LAMA5: variants seen among roughly 807,000 people sequenced by gnomAD.
The protein encoded by LAMA5 is laminin subunit alpha 5.
Under a neutral mutation model 433.4 loss-of-function variants are expected in LAMA5, and 260 were observed. That is an observed-to-expected ratio of 0.60 (90% CI 0.54 to 0.66). The LOEUF (loss-of-function observed/expected upper bound fraction) is 0.66, where lower values mean the gene tolerates loss of function less well. LAMA5 is among the 30% of genes least tolerant of loss of function. The pLI is 0.00. For missense variants in LAMA5, 5,378 were observed against 5,258.5 expected (o/e 1.02, Z -0.70); for synonymous variants, 2,620 against 2,226.6 (o/e 1.18, Z -4.97).
rs147017646 is a variant in LAMA5, at chr20:62,342,596, G to A, written c.1477+3222C>T. ...CAGGAGGCTGAGGCAGGAGAATGGC[G>A]TGAACCTGGAAGGCAGAGCTTGCAG... is the stretch of plus-strand genomic sequence containing the variant. On this transcript the variant is annotated intron_variant, in intron 11 of 79. Coordinates refer to ENST00000252999, the MANE Select transcript of LAMA5 (RefSeq NM_005560.6). Among the ~76,000 whole-genome samples the A allele has an allele frequency of 9.3e-3, 1,411 of 151,250 alleles. 21 individuals carry two copies. Among genetic ancestry groups the A allele is most frequent in the African/African-American group, 0.032 (1,319 of 41,182 alleles).
chr20:62,314,219 T>C, intron 62 of LAMA5, 85 bp downstream of exon 62: 1 of 1,486,468 alleles, frequency 6.7e-7, no homozygotes, highest in Non-Finnish European at 9.1e-7. Context: ...TGAAGGGTGG[T>C]GGGTGCACAC....
Position 62,335,218 on chromosome 20 carries a change from G to C in LAMA5, c.2375C>G (p.Pro792Arg). 1.2e-6 allele frequency: 2 copies of C among 1,612,696 alleles called. No individual in the cohort carries two copies. ...CCACACCTTGGTCCTCAGACTCACC[G>C]GCTGGCACTCAGCAACTCCACCCAG... is the stretch of plus-strand genomic sequence containing the variant. ...GTLGGVAECQ[P>R]GTGQCFCKPH... is the part of the protein sequence containing the mutation. Residue 792 changes from proline (P) to arginine (R), a missense_variant and splice_region_variant, in exon 19 of 80, where the codon CCG becomes CGG. Coordinates refer to ENST00000252999, the MANE Select transcript of LAMA5 (RefSeq NM_005560.6).
intron 28 of LAMA5, among the ~76,000 whole-genome samples, chr20:62,331,330 T>G (rs1160338266): frequency 8.3e-6 from 1 of 120,152 alleles, no homozygotes. Context: ...GGCGGTACGA[T>G]GGGGGGGCCG....
chr20:62,314,368 C>T lies in LAMA5; in HGVS notation c.8440G>A (p.Gly2814Ser). ...VHWVYQLGEA[G>S]PAVLSIDEDI... ...TCATCGATGCTTAGGACTGCAGGGC[C>T]CGCCTCACCCAGCTGATACACCCAG... Residue 2814 changes from glycine (G) to serine (S), a missense_variant, in exon 62 of 80, where the codon GGC (glycine) becomes AGC (serine). Transcript: ENST00000252999. The T allele has an allele frequency of 6.2e-7, 1 of 1,613,458 alleles. No homozygotes were observed. Among genetic ancestry groups the T allele is most frequent in the Non-Finnish European group, 8.5e-7 (1 of 1,179,948 alleles).
chr20:62,336,581 G>T, intron 17 of LAMA5, 136 bp from the exon 18 acceptor site: 2 of 1,130,142 alleles, frequency 1.8e-6, no homozygotes, highest in East Asian at 2.5e-5. Context: ...CACCTGCAGT[G>T]GGGGCAGAGG....
intron 62 of LAMA5, among the ~76,000 whole-genome samples, 174 bp from the exon 63 acceptor site, chr20:62,313,976 A>AC (rs1555870428): frequency 2.5e-4 from 1 of 4,034 alleles, no homozygotes; most frequent in East Asian, 0.033. Context: ...GTGGGCACAG[A>AC]GACGGGTGGC....
chr20:62,316,553 C>A, intron 57 of LAMA5, 118 bp downstream of exon 57: 1 of 758,172 alleles, frequency 1.3e-6, no homozygotes, highest in Non-Finnish European at 2.0e-6. Flanking sequence ...CTCTCCCACC[C>A]CAAACCATGC....
chr20:62,331,014 CCCATTACCTG>C lies in LAMA5; in HGVS notation c.3650+8_3650+17del. The C allele has an allele frequency of 1.9e-6, 3 of 1,591,382 alleles. No homozygotes were observed. The South Asian group carries it at 3.4e-5, about 18-fold the overall frequency. On this transcript the variant is annotated splice_region_variant and intron_variant, in intron 29 of 79. Coordinates refer to ENST00000252999, the MANE Select transcript of LAMA5 (RefSeq NM_005560.6). ...GGCCCTCGGCCGCGCCCCTCCCAGC[CCCATTACCTG>C]CCATTACCTGTTGGGGCCAAAGGCG...
At chr20:62,328,812 G>T (rs775279563) in intron 34 of LAMA5, 32 bp downstream of exon 34, 1 of 1,599,434 alleles carries the variant, frequency 6.3e-7, no homozygotes, top group East Asian at 2.2e-5. Flanking sequence ...CCAACTCCCT[G>T]CCACTGGGCG....
Position 62,328,262 on chromosome 20 carries a change from T to A in LAMA5, c.4631A>T (p.Asp1544Val). The A allele has an allele frequency of 1.9e-6, 3 of 1,607,468 alleles. No homozygotes were observed. The highest frequency in any genetic ancestry group is 2.5e-6 in the Non-Finnish European group (3 of 1,177,532). The change falls in exon 35 of 80, where the codon GAC becomes GTC. Residue 1544 changes from aspartate (D) to valine (V), a missense_variant. Coordinates refer to ENST00000252999, the MANE Select transcript of LAMA5 (RefSeq NM_005560.6). The part of the protein sequence containing the change: ...GIQELTDPTC[D>V]TDSGQCKCRP... ...TCACTTGCACTGGCCGCTGTCTGTG[T>A]CACAGGTAGGGTCTGTGAGCTCCTG...
chr20:62,357,635 C>T (rs780246318), intron 2 of LAMA5, among the ~76,000 whole-genome samples: 18 of 151,880 alleles, frequency 1.2e-4, no homozygotes, highest in Non-Finnish European at 1.9e-4. Context: ...GTGGAAAAGC[C>T]GGGGGTTTCC....
rs201356515 is a variant in LAMA5, at chr20:62,317,722, C to T, written c.7296G>A (p.Ala2432=). Residue 2432 remains alanine (A), a synonymous_variant, in exon 54 of 80, where the codon GCG becomes GCA. Transcript: ENST00000252999. ...DNATLQATLH[A]ARDTLASVFR... Reference sequence around the variant, plus strand: ...AGACGCTGGCCAGGGTGTCCCTAGCCGCATGCAGAGTGGCCTGCAGGGTGG... The same window carrying T: ...AGACGCTGGCCAGGGTGTCCCTAGCTGCATGCAGAGTGGCCTGCAGGGTGG... 21 of 1,607,166 alleles carry T rather than the reference C, an allele frequency of 1.3e-5. No homozygotes were observed. In the East Asian group the frequency reaches 1.3e-4, roughly 10 times the overall value.
At chr20:62,328,805 A>G (rs1357546915) in intron 34 of LAMA5, 39 bp downstream of exon 34, 13 of 1,592,380 alleles carry the variant, frequency 8.2e-6, no homozygotes, top group Non-Finnish European at 9.4e-6. Context: ...TCTGGCACCA[A>G]CTCCCTGCCA....
At chr20:62,318,776 C>A in intron 52 of LAMA5, 67 bp downstream of exon 52, 2 of 1,583,002 alleles carry the variant, frequency 1.3e-6, no homozygotes, top group South Asian at 1.1e-5. Context: ...TCCATGCTGA[C>A]CTCCCCCTTG....
intron 2 of LAMA5, among the ~76,000 whole-genome samples, chr20:62,361,096 G>A (rs566097984): frequency 1.4e-4 from 21 of 152,194 alleles, no homozygotes; most frequent in African/African-American, 4.3e-4. Context: ...TTCCCGCCCC[G>A]AGCAGCTGAG....
chr20:62,315,911 C>A (rs540469568), intron 58 of LAMA5, 37 bp downstream of exon 58: 5 of 1,463,858 alleles, frequency 3.4e-6, no homozygotes, highest in African/African-American at 2.8e-5. Context: ...GCCTCATGGT[C>A]GGCCGGCTGC....
At chr20:62,313,549 G>A (rs1009818851) in intron 63 of LAMA5, 89 bp from the exon 64 acceptor site, 2 of 1,564,348 alleles carry the variant, frequency 1.3e-6, no homozygotes, top group Non-Finnish European at 1.7e-6. Flanking sequence ...CAGCAGGACG[G>A]ACTGAGGCAA....
rs1344129413 is a variant in LAMA5 at position 62,329,067 on chromosome 20, G to A, written c.4236-12C>T. On this transcript the variant is annotated splice_polypyrimidine_tract_variant and intron_variant, in intron 33 of 79. Coordinates refer to ENST00000252999, the MANE Select transcript of LAMA5 (RefSeq NM_005560.6). The stretch of plus-strand genomic sequence containing the variant: ...ATGAGCTGCTGGGGCTACATGGAGG[G>A]GCACGTGGTGAGGCCAGCTCCCGGC... 6.2e-7 allele frequency: 1 copy of A among 1,612,484 alleles called. No individual in the cohort carries two copies. Among genetic ancestry groups the A allele is most frequent in the African/African-American group, 1.3e-5 (1 of 74,934 alleles).
intron 35 of LAMA5, 24 bp from the exon 36 acceptor site, chr20:62,328,034 C>G (rs887768502): frequency 6.2e-7 from 1 of 1,609,578 alleles, no homozygotes; most frequent in Non-Finnish European, 8.5e-7. Context: ...GGGAGCTGAG[C>G]CCCCTCCACC....
Sources: gnomAD v4.1 joint callset for allele counts (sites outside exome capture counted in the v4.1 genomes callset) on GRCh38, gnomAD v4.1.1 for gene constraint, MANE v1.5 for transcripts, NCBI Gene and HGNC (gene_info 2026-07-23, HGNC 2026-07-21) for gene names.